UGT2B4: variants seen among roughly 807,000 people sequenced by gnomAD.
UGT2B4 encodes the protein UDP glucuronosyltransferase family 2 member B4.
UGT2B4 carries 49 observed loss-of-function variants against 49.8 expected under a neutral mutation model. The ratio of observed to expected loss-of-function variants is 0.98; its 90% confidence interval spans 0.78 to 1.25. The LOEUF (loss-of-function observed/expected upper bound fraction) is 1.25, where lower values mean the gene tolerates loss of function less well. UGT2B4 is among the 50% of genes most tolerant of loss of function. The pLI, the probability that UGT2B4 is intolerant of heterozygous loss-of-function variation, is 0.00. For missense variants in UGT2B4, 729 were observed against 627.7 expected (o/e 1.16, Z -1.73); for synonymous variants, 246 against 217.7 (o/e 1.13, Z -1.14).
At chr4:69,486,541 C>T in intron 4 of UGT2B4, 68 bp downstream of exon 4, 1 of 1,062,960 alleles carries the variant, frequency 9.4e-7, no homozygotes, top group South Asian at 2.0e-5. Flanking sequence ...AAGCTTGTTT[C>T]ATGATAACTA....
At chr4:69,513,374 G>A (rs969689864) in intron 1 of UGT2B4, among the ~76,000 whole-genome samples, 4 of 152,028 alleles carry the variant, frequency 2.6e-5, no homozygotes, top group Non-Finnish European at 4.4e-5. Flanking sequence ...TGTCAAGTTT[G>A]TGGAAGATCA....
intron 1 of UGT2B4, among the ~76,000 whole-genome samples, chr4:69,513,374 G>T (rs969689864): frequency 1.3e-5 from 2 of 152,028 alleles, no homozygotes; most frequent in Non-Finnish European, 2.9e-5. Context: ...TGTCAAGTTT[G>T]TGGAAGATCA....
intron 1 of UGT2B4, among the ~76,000 whole-genome samples, chr4:69,510,229 C>A (rs958061385): frequency 2.6e-5 from 4 of 152,186 alleles, no homozygotes; most frequent in South Asian, 4.1e-4. Context: ...TTAATTTGAA[C>A]AGCAGACTAT....
intron 1 of UGT2B4, among the ~76,000 whole-genome samples, chr4:69,510,288 C>T (rs1230256351): frequency 2.0e-5 from 3 of 152,066 alleles, no homozygotes; most frequent in Non-Finnish European, 4.4e-5. Flanking sequence ...AAATGTGATG[C>T]CTCCAGCTTT....
At chr4:69,491,437 A>G (rs1577886342) in intron 2 of UGT2B4, among the ~76,000 whole-genome samples, 1 of 152,214 alleles carries the variant, frequency 6.6e-6, no homozygotes, top group South Asian at 2.1e-4. Context: ...TCATGTGAAT[A>G]TATTATAAAA....
At chr4:69,482,031 TCTC>T (rs949255473) in intron 5 of UGT2B4, among the ~76,000 whole-genome samples, 2 of 152,202 alleles carry the variant, frequency 1.3e-5, no homozygotes, top group Non-Finnish European at 2.9e-5. Context: ...GGCAAGCTCT[TCTC>T]CACTTTCCCA....
chr4:69,496,474 TA>T (rs1331909651), upstream of UGT2B4, among the ~76,000 whole-genome samples: 1 of 152,198 alleles, frequency 6.6e-6, no homozygotes, highest in Non-Finnish European at 1.5e-5. Context: ...GAACTAAAGA[TA>T]AAATAGCTAA....
chr4:69,495,100 A>G (rs997189967), intron 1 of UGT2B4, 41 bp downstream of exon 1: 8 of 1,488,892 alleles, frequency 5.4e-6, no homozygotes, highest in East Asian at 2.3e-5. Context: ...AAGGTACAAG[A>G]AAGTTAGATC....
At chr4:69,480,995 T>G in intron 5 of UGT2B4, 85 bp from the exon 6 acceptor site, 1 of 1,477,734 alleles carries the variant, frequency 6.8e-7, no homozygotes, top group Non-Finnish European at 9.2e-7. Flanking sequence ...TCCCAGCAGT[T>G]TCCGAGGTCG....
At chr4:69,481,626 G>T (rs1222602224) in intron 5 of UGT2B4, among the ~76,000 whole-genome samples, 1 of 152,116 alleles carries the variant, frequency 6.6e-6, no homozygotes, top group South Asian at 2.1e-4. Flanking sequence ...ATGAAGAAAG[G>T]CTACCCATTG....
intron 3 of UGT2B4, among the ~76,000 whole-genome samples, chr4:69,487,450 AAGTGAGCTGC>A (rs1727826786): frequency 6.6e-6 from 1 of 152,184 alleles, no homozygotes; most frequent in Non-Finnish European, 1.5e-5. Flanking sequence ...TCAGGAACAT[AAGTGAGCTGC>A]AGTCCATTAT....
chr4:69,482,102 A>C (rs1727610544), intron 5 of UGT2B4, among the ~76,000 whole-genome samples: 2 of 152,076 alleles, frequency 1.3e-5, no homozygotes, highest in African/African-American at 4.8e-5. Context: ...CTCCTGTCCT[A>C]GCATCTTACA....
At chr4:69,507,223 G>A (rs1728496436) in intron 1 of UGT2B4, among the ~76,000 whole-genome samples, 1 of 152,084 alleles carries the variant, frequency 6.6e-6, no homozygotes, top group African/African-American at 2.4e-5. Context: ...TTCTGGTCAG[G>A]GCCATCAGGC....
chr4:69,519,756 T>A (rs1306805588), intron 1 of UGT2B4, among the ~76,000 whole-genome samples: 3 of 152,214 alleles, frequency 2.0e-5, no homozygotes, highest in Admixed American at 1.3e-4. Flanking sequence ...TCTTCACAGG[T>A]ATGGAACAAA....
intron 1 of UGT2B4, among the ~76,000 whole-genome samples, chr4:69,503,558 A>T (rs1728396944): frequency 6.6e-6 from 1 of 152,198 alleles, no homozygotes; most frequent in African/African-American, 2.4e-5. Context: ...GCAGGCACAG[A>T]ACCAGACAGC....
intron 1 of UGT2B4, chr4:69,525,607 C>A (rs950224812): frequency 1.1e-6 from 1 of 871,914 alleles, no homozygotes; most frequent in African/African-American, 1.8e-5. Flanking sequence ...ATGGGTTAGA[C>A]AATAGATTAT....
At chr4:69,489,315 T>G in intron 3 of UGT2B4, 124 bp downstream of exon 3, 8 of 1,302,942 alleles carry the variant, frequency 6.1e-6, no homozygotes, top group Non-Finnish European at 8.4e-6. Context: ...AATTAATATC[T>G]GAGATAATTA....
chr4:69,496,133 G>C (rs1194485632), upstream of UGT2B4, among the ~76,000 whole-genome samples: 1 of 151,346 alleles, frequency 6.6e-6, no homozygotes, highest in African/African-American at 2.4e-5. Context: ...CCACTCTCCT[G>C]CCTCAGCCTC....
chr4:69,489,713 C>A, intron 2 of UGT2B4, 143 bp from the exon 3 acceptor site: 1 of 1,250,132 alleles, frequency 8.0e-7, no homozygotes, highest in Non-Finnish European at 1.1e-6. Flanking sequence ...CTCAATTACT[C>A]AGTTTTTTTT....
Sources: gnomAD v4.1 joint callset for allele counts (sites outside exome capture counted in the v4.1 genomes callset) on GRCh38, gnomAD v4.1.1 for gene constraint, MANE v1.5 for transcripts, NCBI Gene and HGNC (gene_info 2026-07-23, HGNC 2026-07-21) for gene names.